Variants in SLC9A2 observed in about 807,000 individuals in gnomAD.
SLC9A2 encodes sodium/hydrogen exchanger 2.
A neutral mutation model predicts 71.7 loss-of-function variants in SLC9A2; 42 were observed. The observed-to-expected ratio is 0.59, with a 90% CI of 0.46 to 0.76. The LOEUF is 0.76. SLC9A2 is among the 30% of genes least tolerant of loss of function. The probability of loss-of-function intolerance (pLI) is 0.00; values close to 1 mark genes in which losing one functional copy is unlikely to be tolerated. For missense variants in SLC9A2, 829 were observed against 1,017.4 expected (o/e 0.81, Z 2.52); for synonymous variants, 396 against 392.5 (o/e 1.01, Z -0.10).
intron 11 of SLC9A2, among the ~76,000 whole-genome samples, chr2:102,706,738 C>T (rs1677985073): frequency 1.3e-5 from 2 of 152,106 alleles, no homozygotes; most frequent in African/African-American, 4.8e-5. Flanking sequence ...GGCCCAAGGG[C>T]AGGTAAACAA....
At chr2:102,657,410 TTGCACTGTAA>T (rs1255318783) in intron 1 of SLC9A2, among the ~76,000 whole-genome samples, 144 bp from the exon 2 acceptor site, 1 of 152,196 alleles carries the variant, frequency 6.6e-6, no homozygotes, top group African/African-American at 2.4e-5. Flanking sequence ...AACCTCTGGT[TTGCACTGTAA>T]TCTGGGAAGC....
chr2:102,697,614 C>T (rs1465268931), intron 7 of SLC9A2: 1 of 147,182 alleles, frequency 6.8e-6, no homozygotes, highest in Non-Finnish European at 1.5e-5. Flanking sequence ...TACTTCCCTG[C>T]TCTACCTATG....
chr2:102,697,063 A>C (rs1042850132), intron 7 of SLC9A2, among the ~76,000 whole-genome samples: 4 of 152,076 alleles, frequency 2.6e-5, no homozygotes, highest in African/African-American at 9.7e-5. Context: ...CTTTCAACTC[A>C]ACTACTATCC....
At chr2:102,664,082 C>G (rs148344657) in intron 2 of SLC9A2, among the ~76,000 whole-genome samples, 2,442 of 152,054 alleles carry the variant, frequency 0.016, 74 homozygotes, top group African/African-American at 0.055. Context: ...TCAAGACCAG[C>G]CTGGCCAACA....
At chr2:102,647,748 T>C (rs1450148784) in intron 1 of SLC9A2, among the ~76,000 whole-genome samples, 1 of 152,010 alleles carries the variant, frequency 6.6e-6, no homozygotes, top group Non-Finnish European at 1.5e-5. Flanking sequence ...CTAGAAGAAA[T>C]GGATAAATTC....
At chr2:102,639,885 A>C (rs1676540632) in intron 1 of SLC9A2, among the ~76,000 whole-genome samples, 1 of 152,224 alleles carries the variant, frequency 6.6e-6, no homozygotes, top group South Asian at 2.1e-4. Context: ...ATTGAGACAA[A>C]CATAGAAATG....
At chr2:102,634,534 T>C (rs1405844581) in intron 1 of SLC9A2, among the ~76,000 whole-genome samples, 2 of 152,232 alleles carry the variant, frequency 1.3e-5, no homozygotes, top group Non-Finnish European at 2.9e-5. Context: ...AACAGATTTC[T>C]TTCTTTCTTC....
intron 2 of SLC9A2, among the ~76,000 whole-genome samples, 181 bp downstream of exon 2, chr2:102,658,208 C>G (rs540637122): frequency 3.4e-4 from 51 of 152,232 alleles, no homozygotes; most frequent in African/African-American, 1.2e-3. Flanking sequence ...ATTCTTAATA[C>G]TTTTAAACTT....
At chr2:102,628,056 A>T (rs1415521337) in intron 1 of SLC9A2, among the ~76,000 whole-genome samples, 3 of 152,090 alleles carry the variant, frequency 2.0e-5, no homozygotes, top group Non-Finnish European at 4.4e-5. Context: ...ATTTATCCCA[A>T]ATATGGGTAT....
At chr2:102,691,831 A>G (rs1433027758) in intron 5 of SLC9A2, among the ~76,000 whole-genome samples, 1 of 152,102 alleles carries the variant, frequency 6.6e-6, no homozygotes, top group Admixed American at 6.5e-5. Flanking sequence ...TGTAGGGTGG[A>G]AGGAATCAAC....
At chr2:102,644,021 A>T (rs890509652) in intron 1 of SLC9A2, among the ~76,000 whole-genome samples, 9 of 151,882 alleles carry the variant, frequency 5.9e-5, no homozygotes, top group Middle Eastern at 3.2e-3. Flanking sequence ...CTAGTAAGAG[A>T]GATGATTACA....
intron 1 of SLC9A2, among the ~76,000 whole-genome samples, chr2:102,641,148 GT>G (rs1378849270): frequency 2.6e-5 from 4 of 152,180 alleles, no homozygotes. Context: ...CTGTGCTCTA[GT>G]GGGTGCGACA....
At chr2:102,659,476 A>G (rs1558710613) in intron 2 of SLC9A2, among the ~76,000 whole-genome samples, 1 of 152,076 alleles carries the variant, frequency 6.6e-6, no homozygotes, top group African/African-American at 2.4e-5. Context: ...AAGTCTACAT[A>G]GAAACCGATT....
chr2:102,623,859 T>C (rs1676192149), intron 1 of SLC9A2, among the ~76,000 whole-genome samples: 1 of 152,090 alleles, frequency 6.6e-6, no homozygotes, highest in African/African-American at 2.4e-5. Flanking sequence ...CCGAATAACA[T>C]TTGTAGGGGG....
At chr2:102,648,647 A>G (rs1386645274) in intron 1 of SLC9A2, among the ~76,000 whole-genome samples, 8 of 152,244 alleles carry the variant, frequency 5.3e-5, no homozygotes, top group Non-Finnish European at 1.2e-4. Context: ...AAGTCTCAGG[A>G]TACAAAATCA....
intron 1 of SLC9A2, among the ~76,000 whole-genome samples, chr2:102,637,357 T>G (rs1055420993): frequency 6.6e-6 from 1 of 152,216 alleles, no homozygotes; most frequent in East Asian, 1.9e-4. Flanking sequence ...CACACCCAGA[T>G]AGAATACATG....
In SLC9A2 at chr2:102,711,045, A is replaced by C; in HGVS notation, c.*2556A>C. The C allele has an allele frequency of 6.6e-6, 1 of 152,362 alleles. No homozygotes were observed. The highest frequency in any genetic ancestry group is 1.9e-4 in the East Asian group (1 of 5,336). 9.4% of individuals were successfully genotyped at this position (152,362 alleles called of 1,614,324 possible). Reference sequence around the variant, plus strand: ...ACTTTTAAAAGCATGTGTTTTGTGTATATGCTCACAAAATGTCTGTGAAGA... The same window carrying C: ...ACTTTTAAAAGCATGTGTTTTGTGTCTATGCTCACAAAATGTCTGTGAAGA... On this transcript the variant is annotated 3_prime_UTR_variant, in exon 12 of 12. Transcript: ENST00000233969.
chr2:102,703,684 A>G (rs1473327963), intron 9 of SLC9A2, among the ~76,000 whole-genome samples: 1 of 152,208 alleles, frequency 6.6e-6, no homozygotes, highest in Non-Finnish European at 1.5e-5. Flanking sequence ...AGAACCTAAT[A>G]TATTTCTGGA....
chr2:102,672,186 A>G (rs1251228162), intron 3 of SLC9A2, among the ~76,000 whole-genome samples: 1 of 152,198 alleles, frequency 6.6e-6, no homozygotes, highest in African/African-American at 2.4e-5. Context: ...GGATTCTAGA[A>G]TATCTCATTA....
Sources: allele counts gnomAD v4.1 joint callset (sites outside exome capture counted in the v4.1 genomes callset), GRCh38; gene constraint gnomAD v4.1.1; transcripts MANE v1.5; gene names NCBI Gene and HGNC (gene_info 2026-07-23, HGNC 2026-07-21).